EPC1: variants seen among roughly 807,000 people sequenced by gnomAD.
The protein encoded by EPC1 is enhancer of polycomb homolog 1.
Under a neutral mutation model 98.4 loss-of-function variants are expected in EPC1, and 12 were observed. The ratio of observed to expected loss-of-function variants is 0.12; its 90% confidence interval spans 0.08 to 0.20. The LOEUF (loss-of-function observed/expected upper bound fraction) is 0.20, where lower values mean the gene tolerates loss of function less well. EPC1 is among the 10% of genes least tolerant of loss of function. The probability of loss-of-function intolerance (pLI) is 1.00; values close to 1 mark genes in which losing one functional copy is unlikely to be tolerated. For missense variants in EPC1, 729 were observed against 990.5 expected, an observed-to-expected ratio of 0.74 and a Z score of 3.54; for synonymous variants, 357 against 363.9, an observed-to-expected ratio of 0.98 and a Z score of 0.21.
intron 2 of EPC1, among the ~76,000 whole-genome samples, chr10:32,297,375 G>T (rs145378154): frequency 6.7e-6 from 1 of 150,366 alleles, no homozygotes; most frequent in African/African-American, 2.4e-5. Context: ...TCCGCCTCTC[G>T]GGTTCAAGCG....
chr10:32,325,973 C>A (rs899855275), intron 1 of EPC1, among the ~76,000 whole-genome samples: 8 of 152,036 alleles, frequency 5.3e-5, no homozygotes, highest in East Asian at 1.9e-4. Context: ...GGTTAGAATG[C>A]AAAACTTACT....
At chr10:32,271,973 A>T in intron 12 of EPC1, 53 bp downstream of exon 12, 1 of 1,597,456 alleles carries the variant, frequency 6.3e-7, no homozygotes, top group East Asian at 2.2e-5. Flanking sequence ...TGTTTATATT[A>T]TAGATATATG....
chr10:32,368,630 T>A (rs938591109), intron 1 of EPC1, among the ~76,000 whole-genome samples: 1 of 152,238 alleles, frequency 6.6e-6, no homozygotes, highest in East Asian at 1.9e-4. Flanking sequence ...ATAAACCTTA[T>A]ACTCTATGTG....
chr10:32,372,838 T>C (rs2133126088), intron 1 of EPC1, among the ~76,000 whole-genome samples: 1 of 152,268 alleles, frequency 6.6e-6, no homozygotes, highest in East Asian at 1.9e-4. Context: ...CTGGCCAACA[T>C]GGCAAAATCC....
chr10:32,339,151 A>G (rs1838170920), intron 1 of EPC1, among the ~76,000 whole-genome samples: 1 of 152,208 alleles, frequency 6.6e-6, no homozygotes, highest in South Asian at 2.1e-4. Flanking sequence ...ATGTCTACAT[A>G]ATATGCAAAT....
At chr10:32,363,674 A>T (rs201574150) in intron 1 of EPC1, among the ~76,000 whole-genome samples, 1 of 140,458 alleles carries the variant, frequency 7.1e-6, no homozygotes. Flanking sequence ...ACACACATGT[A>T]TATATACGCT....
At chr10:32,376,213 G>A (rs1391178561) in intron 1 of EPC1, among the ~76,000 whole-genome samples, 1 of 151,968 alleles carries the variant, frequency 6.6e-6, no homozygotes, top group African/African-American at 2.4e-5. Context: ...CAATGATGTA[G>A]GAGAACAAAG....
In EPC1 at chr10:32,300,345, T is replaced by C. The variant is rs113175577; in HGVS notation, c.313+5427A>G. ...GTGCCATGTTGGTGTGCTGCACCCATTAACTCGTCATTTACATTAGGCATA... is the reference window on the plus strand; with the variant it reads ...GTGCCATGTTGGTGTGCTGCACCCACTAACTCGTCATTTACATTAGGCATA... On this transcript the variant is annotated intron_variant, in intron 2 of 13. Transcript: ENST00000319778. Among the ~76,000 whole-genome samples the C allele has an allele frequency of 1.7e-3, 258 of 151,700 alleles. 3 individuals are homozygous for C. The highest frequency in any genetic ancestry group is 6.9e-3 in the South Asian group (33 of 4,814).
upstream of EPC1, among the ~76,000 whole-genome samples, chr10:32,348,091 G>T (rs896802135): frequency 1.3e-5 from 2 of 152,162 alleles, no homozygotes; most frequent in Admixed American, 1.3e-4. Flanking sequence ...CATCATAGCC[G>T]TGGGTTCACA....
rs1837750724 is a variant in EPC1 at position 32,333,286 on chromosome 10, G to C, written c.153+13477C>G. ...ACCTGGGAGGCGGAGGTTGCAGTGA[G>C]CCGAGATCGTGCCACAGCCTGGGCG... On this transcript the variant is annotated intron_variant, in intron 1 of 13. Transcript: ENST00000319778. Among the ~76,000 whole-genome samples, 4 of 152,296 alleles carry C rather than the reference G, an allele frequency of 2.6e-5. No individual in the cohort carries two copies. The South Asian group carries it at 6.2e-4, about 24-fold the overall frequency.
chr10:32,273,455 A>G (rs1835934623), intron 10 of EPC1, among the ~76,000 whole-genome samples, 174 bp from the exon 11 acceptor site: 1 of 152,142 alleles, frequency 6.6e-6, no homozygotes, highest in African/African-American at 2.4e-5. Context: ...CTGCTACCAC[A>G]TTTAACAAGA....
chr10:32,346,337 G>C (rs1415846678), intron 1 of EPC1, among the ~76,000 whole-genome samples: 1 of 152,152 alleles, frequency 6.6e-6, no homozygotes. Context: ...GCCCTGGAGC[G>C]CCACCCAGCG....
intron 1 of EPC1, among the ~76,000 whole-genome samples, chr10:32,335,954 C>A (rs779910269): frequency 6.6e-6 from 1 of 152,154 alleles, no homozygotes; most frequent in Non-Finnish European, 1.5e-5. Context: ...ACAGAGCCTT[C>A]CATCCCAATT....
At chr10:32,368,233 T>G (rs963906039) in intron 1 of EPC1, among the ~76,000 whole-genome samples, 1 of 152,230 alleles carries the variant, frequency 6.6e-6, no homozygotes, top group Non-Finnish European at 1.5e-5. Flanking sequence ...TGGTGCTCTG[T>G]GGGCAATGCC....
chr10:32,361,567 C>T (rs1839444343), intron 1 of EPC1, among the ~76,000 whole-genome samples: 2 of 152,234 alleles, frequency 1.3e-5, no homozygotes, highest in African/African-American at 4.8e-5. Flanking sequence ...CTGTTCCCCA[C>T]TTCCTGCTTA....
rs565014738 is a variant in EPC1, at chr10:32,311,181, T to C, written c.154-5250A>G. ...AAAAAAAATTAGCCGGGTGTGGTGG[T>C]GGGCGCCTGTAGTCCCAGCTACTAG... On this transcript the variant is annotated intron_variant, in intron 1 of 13. Coordinates refer to ENST00000319778, the MANE Select transcript of EPC1 (RefSeq NM_001272004.3). Among the ~76,000 whole-genome samples, 703 of 151,428 alleles carry C rather than the reference T, an allele frequency of 4.6e-3. 7 individuals carry two copies. The East Asian group carries it at 0.055, about 12-fold the overall frequency.
intron 1 of EPC1, among the ~76,000 whole-genome samples, chr10:32,359,852 A>G (rs996948077): frequency 1.3e-5 from 2 of 152,102 alleles, no homozygotes; most frequent in African/African-American, 4.8e-5. Context: ...TTTTGTTTCC[A>G]TTTAGTAGTT....
chr10:32,270,821 CAAAAAAAAAAAA>C (rs55931034), intron 13 of EPC1, among the ~76,000 whole-genome samples: 4 of 57,934 alleles, frequency 6.9e-5, no homozygotes, highest in African/African-American at 1.4e-4. Flanking sequence ...GACTCGGTCT[CAAAAAAAAAAAA>C]AAAAAAAAAA....
chr10:32,290,353 C>T (rs377435832), intron 6 of EPC1, among the ~76,000 whole-genome samples: 12 of 151,522 alleles, frequency 7.9e-5, no homozygotes, highest in South Asian at 4.2e-4. Context: ...CATGGTGGCG[C>T]GTGCTACCTG....
Sources: allele counts gnomAD v4.1 joint callset (sites outside exome capture counted in the v4.1 genomes callset), GRCh38; gene constraint gnomAD v4.1.1; transcripts MANE v1.5; gene names NCBI Gene and HGNC (gene_info 2026-07-23, HGNC 2026-07-21).